KAZN: variants seen among roughly 807,000 people sequenced by gnomAD.
The protein encoded by KAZN is kazrin.
A neutral mutation model predicts 87.4 loss-of-function variants in KAZN; 40 were observed. The observed-to-expected ratio is 0.46, with a 90% CI of 0.36 to 0.60. KAZN has a LOEUF of 0.60. Among genes scored for constraint, KAZN ranks in the 20% least tolerant of loss-of-function variants. The probability of loss-of-function intolerance (pLI) is 0.00; values close to 1 mark genes in which losing one functional copy is unlikely to be tolerated. For synonymous variants in KAZN, 466 were observed against 458.3 expected (o/e 1.02, Z -0.22); for missense variants, 898 against 1,073.9 (o/e 0.84, Z 2.29).
chr1:14,951,843 A>G (rs1662519544), intron 1 of KAZN, among the ~76,000 whole-genome samples: 2 of 152,170 alleles, frequency 1.3e-5, no homozygotes, highest in Non-Finnish European at 2.9e-5. Context: ...GATAAGCATC[A>G]TTCCAGTGTA....
At chr1:14,523,072 T>G (rs144092215) in intron 2 of KAZN, among the ~76,000 whole-genome samples, 114 of 152,272 alleles carry the variant, frequency 7.5e-4, no homozygotes, top group African/African-American at 2.7e-3. Context: ...CGTCCTAGTC[T>G]ACTGGTCCCT....
intron 2 of KAZN, among the ~76,000 whole-genome samples, chr1:14,471,519 T>G (rs1436744679): frequency 6.6e-6 from 1 of 152,138 alleles, no homozygotes; most frequent in South Asian, 2.1e-4. Context: ...ATTGAGCCAA[T>G]GGAAGAACCA....
chr1:14,037,482 T>C (rs1191505391), intron 1 of KAZN, among the ~76,000 whole-genome samples: 1 of 152,192 alleles, frequency 6.6e-6, no homozygotes, highest in African/African-American at 2.4e-5. Flanking sequence ...CTGTCTTACC[T>C]CCCTTGTTGG....
At chr1:14,115,914 A>G (rs1200330674) in intron 1 of KAZN, among the ~76,000 whole-genome samples, 1 of 152,190 alleles carries the variant, frequency 6.6e-6, no homozygotes, top group Non-Finnish European at 1.5e-5. Context: ...GTTACGTTTT[A>G]CCAAAGAGTC....
chr1:14,150,536 T>C (rs1408255524), intron 1 of KAZN, among the ~76,000 whole-genome samples: 1 of 152,236 alleles, frequency 6.6e-6, no homozygotes, highest in East Asian at 1.9e-4. Flanking sequence ...TTTCCTTTGC[T>C]TTATCACCTG....
chr1:14,241,257 A>T (rs1648910989), intron 2 of KAZN, among the ~76,000 whole-genome samples: 1 of 152,218 alleles, frequency 6.6e-6, no homozygotes, highest in South Asian at 2.1e-4. Flanking sequence ...AAGAACCTGA[A>T]CTAGAACCCA....
chr1:14,400,509 G>C (rs1663310463), intron 2 of KAZN, among the ~76,000 whole-genome samples: 1 of 152,146 alleles, frequency 6.6e-6, no homozygotes. Context: ...TCAGAACCCA[G>C]CACTCCAGCT....
intron 2 of KAZN, among the ~76,000 whole-genome samples, chr1:14,489,523 C>T (rs2148405684): frequency 6.6e-6 from 1 of 152,084 alleles, no homozygotes; most frequent in South Asian, 2.1e-4. Context: ...CACTTGAGGT[C>T]AGGAGTTCAA....
chr1:14,316,721 G>A (rs1437648386), intron 2 of KAZN, among the ~76,000 whole-genome samples: 7 of 151,638 alleles, frequency 4.6e-5, no homozygotes, highest in African/African-American at 1.7e-4. Context: ...TTTGTATGTT[G>A]TTATGTTTTC....
At chr1:14,437,708 AGCCGGGAG>A (rs1420025788) in intron 2 of KAZN, among the ~76,000 whole-genome samples, 2 of 152,172 alleles carry the variant, frequency 1.3e-5, no homozygotes, top group African/African-American at 4.8e-5. Flanking sequence ...GGACATGAGA[AGCCGGGAG>A]GCTCTGCATG....
chr1:14,457,456 TTTC>T (rs1211784056), intron 2 of KAZN, among the ~76,000 whole-genome samples: 2 of 152,244 alleles, frequency 1.3e-5, no homozygotes, highest in Non-Finnish European at 2.9e-5. Context: ...TCAATACAAA[TTTC>T]TTCTTTCTGT....
intron 2 of KAZN, among the ~76,000 whole-genome samples, chr1:14,480,855 A>T (rs1369589135): frequency 6.8e-6 from 1 of 146,672 alleles, no homozygotes; most frequent in Non-Finnish European, 1.5e-5. Context: ...ATTCTCACCC[A>T]CTCCCCTTAG....
chr1:15,005,353 A>G (rs960507885), intron 2 of KAZN, among the ~76,000 whole-genome samples: 11 of 152,142 alleles, frequency 7.2e-5, no homozygotes, highest in African/African-American at 2.4e-4. Flanking sequence ...CCATCTGTCG[A>G]TGCTGTGTGC....
intron 2 of KAZN, among the ~76,000 whole-genome samples, chr1:14,460,273 C>T (rs1241854840): frequency 6.6e-6 from 1 of 152,218 alleles, no homozygotes; most frequent in African/African-American, 2.4e-5. Context: ...GGATGTCGGG[C>T]TTGGGCATCC....
intron 1 of KAZN, among the ~76,000 whole-genome samples, chr1:14,006,370 A>C (rs1640037699): frequency 6.6e-6 from 1 of 152,212 alleles, no homozygotes; most frequent in South Asian, 2.1e-4. Flanking sequence ...GCAGATGACA[A>C]GGAAGGGGGA....
In KAZN at chr1:14,968,398, G is replaced by C. The variant is rs142569993; in HGVS notation, c.418+7523G>C. Among the ~76,000 whole-genome samples, 15 of 152,310 alleles carry C rather than the reference G, an allele frequency of 9.8e-5. No individual in the cohort carries two copies. In the East Asian group the frequency reaches 2.7e-3, roughly 27 times the overall value. On this transcript the variant is annotated intron_variant, in intron 2 of 14. Transcript: ENST00000376030. ...GCTCGCTCGCCCCTCACCTCCTGCT[G>C]TGCAGCCTGCTTCCTAAGAGGCCAG...
At position 15,096,468 on chromosome 1, in the gene KAZN, C is replaced by T. The variant is rs1238756693; in HGVS notation, c.1547+1535C>T. On this transcript the variant is annotated intron_variant, in intron 10 of 14. Transcript: ENST00000376030. The surrounding 1 kb of genome is among the most constrained non-coding windows in gnomAD (Gnocchi z 4.5). ...AGGGGTGCGGCCTGCCCAGCCCCTGCCCCCGACAGCCTCGTCCCCCAGCAT... is the reference window on the plus strand; with the variant it reads ...AGGGGTGCGGCCTGCCCAGCCCCTGTCCCCGACAGCCTCGTCCCCCAGCAT... Among the ~76,000 whole-genome samples the T allele has an allele frequency of 1.3e-5, 2 of 152,212 alleles. No homozygotes were observed. Among genetic ancestry groups the T allele is most frequent in the Non-Finnish European group, 2.9e-5 (2 of 68,032 alleles).
Position 14,042,331 on chromosome 1 carries a change from C to T in KAZN, c.92-138104C>T, listed in dbSNP as rs181137954. On this transcript the variant is annotated intron_variant, in intron 1 of 16. Transcript: ENST00000636203. ...AGTGTAGAGGAGAGGGAAGTCACTT[C>T]CTATGCTGGGTTACAGGAGGGCAAG... Among the ~76,000 whole-genome samples, 149 of 152,208 alleles carry T rather than the reference C, an allele frequency of 9.8e-4. 1 individual carries two copies. Among genetic ancestry groups the T allele is most frequent in the East Asian group, 6.0e-3 (31 of 5,182 alleles).
rs1361460457 is a variant in KAZN, at chr1:14,883,342, GAAAGAAAGAAAGAAA to G, written c.227-77340_227-77326del. On this transcript the variant is annotated intron_variant, in intron 1 of 14. Coordinates refer to ENST00000376030, the MANE Select transcript of KAZN (RefSeq NM_201628.3). ...AAAGAGAGAGAGAGAGAGAGAGAGA[GAAAGAAAGAAAGAAA>G]AGAAAGAAAGAAAGAAAGAAAGAAA... Among the ~76,000 whole-genome samples the G allele has an allele frequency of 3.6e-4, 12 of 33,482 alleles. 2 individuals are homozygous for G. The highest frequency in any genetic ancestry group is 8.3e-4 in the African/African-American group (9 of 10,804). 22.0% of individuals were successfully genotyped at this position (33,482 alleles called of 152,430 possible). A position where few individuals can be genotyped will look rare whatever the true frequency, so the allele number is the denominator to read the frequency against.
Sources: allele counts gnomAD v4.1 joint callset (sites outside exome capture counted in the v4.1 genomes callset), GRCh38; gene constraint gnomAD v4.1.1; non-coding constraint Gnocchi (gnomAD v3.1); transcripts MANE v1.5; gene names NCBI Gene and HGNC (gene_info 2026-07-23, HGNC 2026-07-21).